Variants in ANP32A observed in about 807,000 individuals in gnomAD.
ANP32A encodes acidic nuclear phosphoprotein 32 family member A, also known as acidic leucine-rich nuclear phosphoprotein 32 family member A.
ANP32A carries 1 observed loss-of-function variant against 33.9 expected under a neutral mutation model. That is an observed-to-expected ratio of 0.03 (90% CI 0.01 to 0.14). The LOEUF (loss-of-function observed/expected upper bound fraction) is 0.14, where lower values mean the gene tolerates loss of function less well. ANP32A is among the 10% of genes least tolerant of loss of function. The pLI, the probability that ANP32A is intolerant of heterozygous loss-of-function variation, is 1.00. For synonymous variants in ANP32A, 115 were observed against 120.5 expected, an observed-to-expected ratio of 0.95 and a Z score of 0.30; for missense variants, 155 against 306.0, an observed-to-expected ratio of 0.51 and a Z score of 3.68.
chr15:68,790,165 G>T (rs908455717), intron 1 of ANP32A: 3 of 152,268 alleles, frequency 2.0e-5, no homozygotes, highest in African/African-American at 7.2e-5. Context: ...GGGAATTCTT[G>T]AAGCTCCACC....
At chr15:68,797,129 C>T (rs534778391) in intron 1 of ANP32A, among the ~76,000 whole-genome samples, 1 of 152,162 alleles carries the variant, frequency 6.6e-6, no homozygotes, top group African/African-American at 2.4e-5. Context: ...TTAATTACAA[C>T]AAGTTTTTAA....
In ANP32A at chr15:68,820,116, C is replaced by T. The variant is rs538409890; in HGVS notation, c.54+582G>A. Among the ~76,000 whole-genome samples, 11 of 152,242 alleles carry T rather than the reference C, an allele frequency of 7.2e-5. No homozygotes were observed. In the South Asian group the frequency reaches 2.1e-3, roughly 29 times the overall value. ...GCAGCCCCCTCCCCACGCGCTCTCC[C>T]CGGGGGCCTCGGCCCACATTTATCA... On this transcript the variant is annotated intron_variant, in intron 1 of 6. Transcript: ENST00000465139.
Position 68,780,067 on chromosome 15 carries a change from A to C in ANP32A, c.*14T>G. On this transcript the variant is annotated 3_prime_UTR_variant, in exon 7 of 7. Transcript: ENST00000465139. This position sits in a 1 kb window ranked among gnomAD's most constrained non-coding sequence, Gnocchi z 4.3. Reference sequence around the variant, plus strand: ...CAAATCACAATAGGAATTTTTCAAAATAGGTTATTCCACTTAGTCATCATC... The same window carrying C: ...CAAATCACAATAGGAATTTTTCAAACTAGGTTATTCCACTTAGTCATCATC... The C allele has an allele frequency of 6.2e-7, 1 of 1,613,002 alleles. No homozygotes were observed. The highest frequency in any genetic ancestry group is 8.5e-7 in the Non-Finnish European group (1 of 1,179,186).
chr15:68,793,462 G>A (rs1894023957), intron 1 of ANP32A, among the ~76,000 whole-genome samples: 1 of 152,082 alleles, frequency 6.6e-6, no homozygotes, highest in South Asian at 2.1e-4. Flanking sequence ...CTCCACATGG[G>A]GCACACCTGC....
intron 1 of ANP32A, among the ~76,000 whole-genome samples, chr15:68,817,042 C>T (rs775457584): frequency 4.6e-5 from 7 of 152,216 alleles, no homozygotes; most frequent in Non-Finnish European, 1.0e-4. Flanking sequence ...CTCTGCTGGA[C>T]ACTGCCATGA....
chr15:68,787,695 T>G lies in ANP32A; in HGVS notation c.204+75A>C, dbSNP rs1159031285. 1.9e-6 allele frequency: 3 copies of G among 1,600,496 alleles called. No individual in the cohort carries two copies. The East Asian group carries it at 6.7e-5, about 36-fold the overall frequency. On this transcript the variant is annotated intron_variant, in intron 2 of 6. Coordinates refer to ENST00000465139, the MANE Select transcript of ANP32A (RefSeq NM_006305.4). ...CACCCGGCTTTCCCTTCAATTACTC[T>G]TTCTAAACATAGGTAATAACCCTTC...
In ANP32A at chr15:68,780,057, A is replaced by G; in HGVS notation, c.*24T>C. ...TAAAAACAGTCAAATCACAATAGGA[A>G]TTTTTCAAAATAGGTTATTCCACTT... On this transcript the variant is annotated 3_prime_UTR_variant, in exon 7 of 7. Transcript: ENST00000465139. The surrounding 1 kb of genome is among the most constrained non-coding windows in gnomAD (Gnocchi z 4.3). 1 of 1,612,042 alleles carries G rather than the reference A, an allele frequency of 6.2e-7. No homozygotes were observed. The highest frequency in any genetic ancestry group is 1.1e-5 in the South Asian group (1 of 91,018).
intron 1 of ANP32A, among the ~76,000 whole-genome samples, chr15:68,796,599 G>T (rs1894067528): frequency 6.6e-6 from 1 of 152,214 alleles, no homozygotes; most frequent in East Asian, 1.9e-4. Context: ...CTGGAGGACT[G>T]AAGAGGTAGG....
At chr15:68,785,577 G>A (rs1214517090) in intron 3 of ANP32A, among the ~76,000 whole-genome samples, 2 of 152,190 alleles carry the variant, frequency 1.3e-5, no homozygotes, top group Non-Finnish European at 2.9e-5. Flanking sequence ...GTCATTCTCA[G>A]CAGAAGCCAA....
intron 1 of ANP32A, among the ~76,000 whole-genome samples, chr15:68,811,760 G>A (rs1455071030): frequency 6.6e-6 from 1 of 152,104 alleles, no homozygotes; most frequent in Non-Finnish European, 1.5e-5. Flanking sequence ...TTTTGAGACC[G>A]AGTTTCGCTC....
chr15:68,781,963 G>A lies in ANP32A; in HGVS notation c.624+993C>T, dbSNP rs867664005. Among the ~76,000 whole-genome samples the A allele has an allele frequency of 2.0e-5, 3 of 152,290 alleles. No homozygotes were observed. The East Asian group carries it at 5.8e-4, about 29-fold the overall frequency. The stretch of plus-strand genomic sequence containing the variant: ...AAGCCTGGGCCGGCTGGCTGGAACT[G>A]GAAGACACTATCTGAGTGAGTCCGT... On this transcript the variant is annotated intron_variant, in intron 5 of 6. Coordinates refer to ENST00000465139, the MANE Select transcript of ANP32A (RefSeq NM_006305.4).
Position 68,780,033 on chromosome 15 carries a change from A to G in ANP32A, c.*48T>C, listed in dbSNP as rs762502671. 6.4e-7 allele frequency: 1 copy of G among 1,573,432 alleles called. No homozygotes were observed. Among genetic ancestry groups the G allele is most frequent in the Non-Finnish European group, 8.7e-7 (1 of 1,146,092 alleles). On this transcript the variant is annotated 3_prime_UTR_variant, in exon 7 of 7. Coordinates refer to ENST00000465139, the MANE Select transcript of ANP32A (RefSeq NM_006305.4). The surrounding 1 kb of genome is among the most constrained non-coding windows in gnomAD (Gnocchi z 4.3). ...GGGGGGGGGGAGAGGGGATATGGGTAAAAACAGTCAAATCACAATAGGAAT... is the reference window on the plus strand; with the variant it reads ...GGGGGGGGGGAGAGGGGATATGGGTGAAAACAGTCAAATCACAATAGGAAT...
chr15:68,820,632 GCACACA>G (rs35802209), intron 1 of ANP32A, 60 bp downstream of exon 1: 94 of 944,454 alleles, frequency 1.0e-4, no homozygotes, highest in Non-Finnish European at 1.3e-4. Flanking sequence ...CCCCCAGCGC[GCACACA>G]CACACACACA....
At position 68,780,087 on chromosome 15, in the gene ANP32A, A is replaced by T; in HGVS notation, c.744T>A (p.Asp248Glu). The T allele has an allele frequency of 6.2e-7, 1 of 1,613,598 alleles. No individual in the cohort carries two copies. ...TCAAAATAGGTTATTCCACTTAGTCATCATCTTCTCCCTCATCTTCAGGTT... is the reference window on the plus strand; with the variant it reads ...TCAAAATAGGTTATTCCACTTAGTCTTCATCTTCTCCCTCATCTTCAGGTT... ...KREPEDEGEDDD is the reference protein window; with the variant it reads ...KREPEDEGEDED The change falls in exon 7 of 7, where the codon GAT (aspartate) becomes GAA (glutamate). Residue 248 changes from aspartate (D) to glutamate (E), a missense_variant. This residue lies in a region of ANP32A where 63 missense variants were observed against 82.8 expected (regional missense o/e 0.76). Coordinates refer to ENST00000465139, the MANE Select transcript of ANP32A (RefSeq NM_006305.4). This position sits in a 1 kb window ranked among gnomAD's most constrained non-coding sequence, Gnocchi z 4.3.
intron 1 of ANP32A, among the ~76,000 whole-genome samples, chr15:68,813,595 T>C (rs537946364): frequency 6.6e-6 from 1 of 152,200 alleles, no homozygotes; most frequent in Non-Finnish European, 1.5e-5. Context: ...GGGTAGTTCC[T>C]AGGAGACCAG....
chr15:68,807,452 C>T (rs1229033473), intron 1 of ANP32A, among the ~76,000 whole-genome samples: 1 of 132,002 alleles, frequency 7.6e-6, no homozygotes, highest in Non-Finnish European at 1.7e-5. Flanking sequence ...CTCTCCTTTG[C>T]CCAGAGCCTC....
chr15:68,812,964 A>C (rs978192996), intron 1 of ANP32A: 1 of 152,250 alleles, frequency 6.6e-6, no homozygotes, highest in African/African-American at 2.4e-5. Flanking sequence ...AAAGCCGAGA[A>C]GAGCATCCAA....
At chr15:68,789,773 CAGG>C (rs1338489201) in intron 1 of ANP32A, 1 of 152,466 alleles carries the variant, frequency 6.6e-6, no homozygotes, top group Admixed American at 6.5e-5. Context: ...GCCCACAGAG[CAGG>C]AGAACCAGGG....
chr15:68,804,138 A>C (rs920670520), intron 1 of ANP32A, among the ~76,000 whole-genome samples: 3 of 152,178 alleles, frequency 2.0e-5, no homozygotes, highest in African/African-American at 7.2e-5. Flanking sequence ...CTTTTGGCAT[A>C]ATCTATTTCG....
Sources: gnomAD v4.1 joint callset for allele counts (sites outside exome capture counted in the v4.1 genomes callset) on GRCh38, gnomAD v4.1.1 for gene constraint, gnomAD v4.1.1 regional missense constraint, Gnocchi (gnomAD v3.1) non-coding constraint, MANE v1.5 for transcripts, NCBI Gene and HGNC (gene_info 2026-07-23, HGNC 2026-07-21) for gene names.